Variants in PLEKHG1 observed in about 807,000 individuals in gnomAD.
PLEKHG1 encodes pleckstrin homology domain-containing family G member 1.
A neutral mutation model predicts 100.8 loss-of-function variants in PLEKHG1; 44 were observed. The ratio of observed to expected loss-of-function variants is 0.44; its 90% CI spans 0.34 to 0.56. PLEKHG1 has a LOEUF of 0.56. Ranked by LOEUF, PLEKHG1 falls within the 20% of genes least tolerant of loss-of-function variation. The pLI is 0.01. For synonymous variants in PLEKHG1, 640 were observed against 662.5 expected, an observed-to-expected ratio of 0.97 and a Z score of 0.52; for missense variants, 1,545 against 1,720.9, an observed-to-expected ratio of 0.90 and a Z score of 1.81.
chr6:150,827,951 G>C (rs1210996607), intron 14 of PLEKHG1: 1 of 1,611,016 alleles, frequency 6.2e-7, no homozygotes, highest in African/African-American at 1.3e-5. Context: ...AAGTTTTGGA[G>C]ATCTCAGGGA....
intron 3 of PLEKHG1, among the ~76,000 whole-genome samples, chr6:150,673,632 T>A (rs1779646922): frequency 6.6e-6 from 1 of 151,842 alleles, no homozygotes; most frequent in Admixed American, 6.6e-5. Context: ...CCTTCCTTCC[T>A]TCTTTCCTTC....
intron 4 of PLEKHG1, among the ~76,000 whole-genome samples, chr6:150,791,006 A>G (rs1319054547): frequency 6.6e-6 from 1 of 152,210 alleles, no homozygotes; most frequent in African/African-American, 2.4e-5. Context: ...CCTGGGCGAC[A>G]GAGTGAGACT....
At chr6:150,741,833 G>A (rs967464888) in intron 2 of PLEKHG1, among the ~76,000 whole-genome samples, 1 of 152,190 alleles carries the variant, frequency 6.6e-6, no homozygotes, top group Non-Finnish European at 1.5e-5. Flanking sequence ...TACCATAGAC[G>A]TTCTGGACTG....
At chr6:150,629,957 T>A (rs1277867556) in intron 1 of PLEKHG1, among the ~76,000 whole-genome samples, 1 of 152,230 alleles carries the variant, frequency 6.6e-6, no homozygotes, top group Non-Finnish European at 1.5e-5. Flanking sequence ...AGACAAAGAA[T>A]ATTTTATTTA....
intron 1 of PLEKHG1, among the ~76,000 whole-genome samples, chr6:150,634,222 C>A: frequency 1.5e-5 from 2 of 131,996 alleles, no homozygotes; most frequent in African/African-American, 3.2e-5. Context: ...CCAGCCTGGC[C>A]AACAAGAGCA....
At chr6:150,666,385 G>C (rs117655634) in intron 3 of PLEKHG1, among the ~76,000 whole-genome samples, 1,536 of 152,244 alleles carry the variant, frequency 0.01, 24 homozygotes, top group South Asian at 0.068. Flanking sequence ...GGTTTCCATG[G>C]TCTGACCAGC....
chr6:150,685,908 A>G (rs1342249802), intron 3 of PLEKHG1, among the ~76,000 whole-genome samples: 1 of 152,230 alleles, frequency 6.6e-6, no homozygotes, highest in Non-Finnish European at 1.5e-5. Context: ...AAAAGTCATA[A>G]CAACAGTAAA....
intron 3 of PLEKHG1, among the ~76,000 whole-genome samples, chr6:150,776,567 G>T (rs1223761463): frequency 7.3e-6 from 1 of 137,172 alleles, no homozygotes; most frequent in African/African-American, 3.1e-5. Flanking sequence ...TGCAATCCTG[G>T]TGCACATGTG....
chr6:150,701,213 G>C (rs113235464), intron 3 of PLEKHG1, among the ~76,000 whole-genome samples: 1 of 150,024 alleles, frequency 6.7e-6, no homozygotes, highest in Non-Finnish European at 1.5e-5. Context: ...CCAGCAACTC[G>C]GGAGTCTGAA....
chr6:150,674,682 T>TCTCCTCTCTCTCTCTCTCTCC (rs1455673564), intron 3 of PLEKHG1, among the ~76,000 whole-genome samples: 3 of 104,234 alleles, frequency 2.9e-5, no homozygotes, highest in Non-Finnish European at 4.1e-5. Flanking sequence ...TCTCTCTCTC[T>TCTCCTCTCTCTCTCTCTCTCC]CCCCCCTCTT....
chr6:150,628,568 A>ACACACACACACC (rs1184029796), intron 1 of PLEKHG1, among the ~76,000 whole-genome samples: 1 of 149,950 alleles, frequency 6.7e-6, no homozygotes, highest in African/African-American at 2.5e-5. Context: ...ACACACACAC[A>ACACACACACACC]CACACACACC....
intron 2 of PLEKHG1, among the ~76,000 whole-genome samples, chr6:150,648,398 A>G (rs1778584884): frequency 6.6e-6 from 1 of 152,044 alleles, no homozygotes; most frequent in Non-Finnish European, 1.5e-5. Flanking sequence ...AAACTATCCT[A>G]TTTCTCCATA....
exon 16 of PLEKHG1, chr6:150,841,954 C>A (rs1448351738): frequency 2.0e-5 from 3 of 152,196 alleles, no homozygotes; most frequent in Non-Finnish European, 4.4e-5. Context: ...TCCTAAACTA[C>A]ACATAACATG....
intron 3 of PLEKHG1, among the ~76,000 whole-genome samples, chr6:150,666,846 C>T (rs6557551): frequency 0.21 from 32,273 of 151,530 alleles, 5,102 homozygotes; most frequent in African/African-American, 0.44. Context: ...CTGCAATCTC[C>T]GCCTCCCGGG....
Position 150,809,099 on chromosome 6 carries a change from T to C in PLEKHG1, c.913-6T>C. 6.2e-7 allele frequency: 1 copy of C among 1,610,828 alleles called. No individual in the cohort carries two copies. The highest frequency in any genetic ancestry group is 8.5e-7 in the Non-Finnish European group (1 of 1,177,364). ...TGTAAATGCCATGGCCCATTCCCTT[T>C]CTCAGGAGATACAGAGTTTGCTCAC... On this transcript the variant is annotated splice_region_variant and splice_polypyrimidine_tract_variant and intron_variant, in intron 7 of 15. Transcript: ENST00000358517.
At chr6:150,828,265 T>C in intron 14 of PLEKHG1, 1 of 1,613,428 alleles carries the variant, frequency 6.2e-7, no homozygotes, top group Non-Finnish European at 8.5e-7. Flanking sequence ...ACTGTCTGAA[T>C]CTGGAGCAAT....
chr6:150,696,997 T>C (rs1243858988), intron 3 of PLEKHG1, among the ~76,000 whole-genome samples: 3 of 151,674 alleles, frequency 2.0e-5, no homozygotes, highest in Non-Finnish European at 4.4e-5. Context: ...CTTGGGAGGC[T>C]GAGGCACGAG....
intron 3 of PLEKHG1, among the ~76,000 whole-genome samples, chr6:150,695,374 A>C (rs1265313163): frequency 6.6e-6 from 1 of 152,250 alleles, no homozygotes; most frequent in Non-Finnish European, 1.5e-5. Context: ...GTTTTAATTT[A>C]AGATAAGGGT....
rs139921865 is a variant in PLEKHG1 at position 150,739,514 on chromosome 6, A to G, written c.411+5422A>G. On this transcript the variant is annotated intron_variant, in intron 2 of 15. Coordinates refer to ENST00000358517, the Ensembl canonical transcript of PLEKHG1. The stretch of plus-strand genomic sequence containing the variant: ...GAAACTCCATCTCTACTAAAAATAC[A>G]AAAATTAGCTGGGTATGGTGGTGCA... Among the ~76,000 whole-genome samples, 1,290 of 152,166 alleles carry G rather than the reference A, an allele frequency of 8.5e-3. 22 individuals are homozygous for G. Among genetic ancestry groups the G allele is most frequent in the African/African-American group, 0.03 (1,233 of 41,522 alleles).
Sources: allele counts gnomAD v4.1 joint callset (sites outside exome capture counted in the v4.1 genomes callset), GRCh38; gene constraint gnomAD v4.1.1; transcripts MANE v1.5; gene names NCBI Gene and HGNC (gene_info 2026-07-23, HGNC 2026-07-21).